Variants in NUP50 observed in about 807,000 individuals in gnomAD.
NUP50 encodes nucleoporin 50.
Under a neutral mutation model 36.8 loss-of-function variants are expected in NUP50, and 14 were observed. The ratio of observed to expected loss-of-function variants is 0.38; its 90% confidence interval spans 0.25 to 0.59. The LOEUF (loss-of-function observed/expected upper bound fraction) is 0.59. NUP50 is among the 20% of genes least tolerant of loss of function. The pLI, the probability that NUP50 is intolerant of heterozygous loss-of-function variation, is 0.63. For synonymous variants in NUP50, 195 were observed against 210.8 expected, an observed-to-expected ratio of 0.93 and a Z score of 0.65; for missense variants, 455 against 564.6, an observed-to-expected ratio of 0.81 and a Z score of 1.97.
Position 45,176,151 on chromosome 22 carries a change from T to C in NUP50, c.340+71T>C. ...GGAAAATAGCTTTACAAAGATGTTT[T>C]TCTTATAGCTACCCTGTGTCTTGGA... On this transcript the variant is annotated intron_variant, in intron 4 of 7. Transcript: ENST00000347635. 5 of 1,487,636 alleles carry C rather than the reference T, an allele frequency of 3.4e-6. No homozygotes were observed. In the South Asian group the frequency reaches 6.4e-5, roughly 19 times the overall value. 92.2% of individuals were successfully genotyped at this position (1,487,636 alleles called of 1,614,324 possible).
At chr22:45,168,299 T>G (rs1247083887) in intron 2 of NUP50, 53 bp downstream of exon 2, 1 of 1,430,820 alleles carries the variant, frequency 7.0e-7, no homozygotes, top group Non-Finnish European at 9.7e-7. Flanking sequence ...CCTTTTACAT[T>G]CATTTTGGGG....
In NUP50 at chr22:45,184,581, A is replaced by G. The variant is rs373407143; in HGVS notation, c.1333A>G (p.Met445Val). Residue 445 changes from methionine (M) to valine (V), a missense_variant, in exon 8 of 8, where the codon ATG (methionine) becomes GTG (valine). By Grantham distance (21) the Met-to-Val change is conservative (BLOSUM62 1). Coordinates refer to ENST00000347635, the MANE Select transcript of NUP50 (RefSeq NM_007172.4). ...DEKNATMPVT[M>V]LIRVKTSEDA... ...GAAGAATGCCACCATGCCAGTCACC[A>G]TGTTGATTCGGGTAAAAACCAGCGA... 5.5e-5 allele frequency: 88 copies of G among 1,612,786 alleles called. No individual in the cohort carries two copies. Among genetic ancestry groups the G allele is most frequent in the Middle Eastern group, 1.7e-4 (1 of 6,054 alleles).
chr22:45,176,268 T>G (rs1252593514), intron 4 of NUP50, among the ~76,000 whole-genome samples, 188 bp downstream of exon 4: 1 of 152,230 alleles, frequency 6.6e-6, no homozygotes, highest in Non-Finnish European at 1.5e-5. Context: ...GCACAGGCTT[T>G]TGATCCAAAA....
chr22:45,170,354 A>G (rs1227365937), intron 2 of NUP50, among the ~76,000 whole-genome samples: 1 of 152,078 alleles, frequency 6.6e-6, no homozygotes, highest in African/African-American at 2.4e-5. Flanking sequence ...CGCAAAGCCC[A>G]GTAGGGCTGG....
intron 1 of NUP50, among the ~76,000 whole-genome samples, chr22:45,167,209 G>T (rs893459500): frequency 6.6e-6 from 1 of 152,170 alleles, no homozygotes; most frequent in African/African-American, 2.4e-5. Flanking sequence ...ACAAGACCTG[G>T]CAGGTCCCCA....
rs758053378 is a variant in NUP50, at chr22:45,178,546, G to C, written c.649G>C (p.Ala217Pro). 1.2e-6 allele frequency: 2 copies of C among 1,612,038 alleles called. No homozygotes were observed. Among genetic ancestry groups the C allele is most frequent in the Non-Finnish European group, 1.7e-6 (2 of 1,179,860 alleles). ...NSESESNKVAAETQSPSLFGS... is the reference protein window; with the variant it reads ...NSESESNKVAPETQSPSLFGS... ...TGAAAGTGAATCTAACAAAGTGGCA[G>C]CTGAAACACAGTCTCCTTCCCTTTT... The change falls in exon 5 of 8, where the codon GCT (alanine) becomes CCT (proline). Residue 217 changes from alanine to proline, a missense_variant. Physicochemically the swap from Ala to Pro is conservative, Grantham distance 27. Around this residue, in one of 3 missense-constraint regions of NUP50, gnomAD observed 287 missense variants for 345.5 expected, o/e 0.83. Coordinates refer to ENST00000347635, the MANE Select transcript of NUP50 (RefSeq NM_007172.4).
Position 45,184,795 on chromosome 22 carries a change from G to A in NUP50, c.*140G>A, listed in dbSNP as rs111542786. 0.014 allele frequency: 8,968 copies of A among 664,172 alleles called. 82 individuals carry two copies. The highest frequency in any genetic ancestry group is 0.021 in the South Asian group (1,092 of 51,566). The allele number at this position is 664,172 out of a possible 1,614,324, so 41.1% of individuals were successfully genotyped here. Reference sequence around the variant, plus strand: ...AAACTTTTGTGAGGAAGATTAATGTGGCCAATAAAACCTTTAAATGTTAAG... The same window carrying A: ...AAACTTTTGTGAGGAAGATTAATGTAGCCAATAAAACCTTTAAATGTTAAG... On this transcript the variant is annotated 3_prime_UTR_variant, in exon 8 of 8. Transcript: ENST00000347635.
intron 3 of NUP50, among the ~76,000 whole-genome samples, chr22:45,175,547 G>A (rs752664004): frequency 6.6e-6 from 1 of 152,166 alleles, no homozygotes; most frequent in Non-Finnish European, 1.5e-5. Flanking sequence ...TTTCATTTGG[G>A]ATTTAGTTTT....
At chr22:45,171,256 G>C (rs1167944165) in intron 2 of NUP50, 1 of 954,062 alleles carries the variant, frequency 1.0e-6, no homozygotes, top group East Asian at 6.8e-5. Flanking sequence ...GAGTGCAGTG[G>C]TGCTATCTCG....
At chr22:45,169,481 GTT>G (rs1457339526) in intron 2 of NUP50, among the ~76,000 whole-genome samples, 5 of 152,224 alleles carry the variant, frequency 3.3e-5, no homozygotes, top group Middle Eastern at 6.8e-3. Context: ...ACATAAAATA[GTT>G]AGAATAAGAA....
rs1455842358 is a variant in NUP50 at position 45,184,601 on chromosome 22, C to T, written c.1353C>T (p.Thr451=). The T allele has an allele frequency of 1.2e-6, 2 of 1,613,152 alleles. No homozygotes were observed. Among genetic ancestry groups the T allele is most frequent in the Admixed American group, 3.3e-5 (2 of 60,010 alleles). ...MPVTMLIRVK[T]SEDADELHKI... ...TCACCATGTTGATTCGGGTAAAAAC[C>T]AGCGAGGATGCAGACGAGTTGCACA... Residue 451 remains threonine, a synonymous_variant, in exon 8 of 8, where the codon ACC becomes ACT. Transcript: ENST00000347635.
At position 45,185,348 on chromosome 22, in the gene NUP50, ACTT is replaced by A. The variant is rs975346282; in HGVS notation, c.*697_*699del. 4.4e-4 allele frequency: 67 copies of A among 152,782 alleles called. No individual in the cohort carries two copies. The highest frequency in any genetic ancestry group is 1.6e-3 in the African/African-American group (66 of 41,516). 9.5% of individuals were successfully genotyped at this position (152,782 alleles called of 1,614,324 possible). A position where few individuals can be genotyped will look rare whatever the true frequency, so the allele number is the denominator to read the frequency against. Reference sequence around the variant, plus strand: ...TAGTTTCTATTCATGAGGTAGTGTTACTTCTTTATCCCCCTAAAGACAAAATGA... The same window carrying A: ...TAGTTTCTATTCATGAGGTAGTGTTACTTTATCCCCCTAAAGACAAAATGA... On this transcript the variant is annotated 3_prime_UTR_variant, in exon 8 of 8. Coordinates refer to ENST00000347635, the MANE Select transcript of NUP50 (RefSeq NM_007172.4).
Position 45,168,163 on chromosome 22 carries a change from CT to C in NUP50, c.-10-3del. 1 of 1,597,066 alleles carries C rather than the reference CT, an allele frequency of 6.3e-7. No individual in the cohort carries two copies. On this transcript the variant is annotated splice_polypyrimidine_tract_variant and splice_region_variant and intron_variant, in intron 1 of 7. Coordinates refer to ENST00000347635, the MANE Select transcript of NUP50 (RefSeq NM_007172.4). ...AAATAAACTCTTCTGTTTTCTATAA[CT>C]TAGGTTCGAAAACATGGCCAAAAGA...
chr22:45,186,124 A>G lies in NUP50; in HGVS notation c.*1469A>G, dbSNP rs1162909475. On this transcript the variant is annotated 3_prime_UTR_variant, in exon 8 of 8. Coordinates refer to ENST00000347635, the MANE Select transcript of NUP50 (RefSeq NM_007172.4). ...AAGTCACTGAGGTGTGATTGGGCCA[A>G]TGTTGGCATGAGGTTCTTGCTCTAC... 6.6e-6 allele frequency: 1 copy of G among 152,206 alleles called. No individual in the cohort carries two copies. The highest frequency in any genetic ancestry group is 1.5e-5 in the Non-Finnish European group (1 of 68,036). The allele number at this position is 152,206 out of a possible 1,614,324, so 9.4% of individuals were successfully genotyped here.
chr22:45,180,253 A>G (rs572830089), intron 5 of NUP50: 2 of 152,354 alleles, frequency 1.3e-5, no homozygotes, highest in South Asian at 4.1e-4. Flanking sequence ...GATTGGAGGG[A>G]TAAGACGGAC....
chr22:45,184,201 T>C, intron 7 of NUP50: 1 of 507,514 alleles, frequency 2.0e-6, no homozygotes. Context: ...CTGCTGGCTC[T>C]GAGAGAAACG....
rs1317199267 is a variant in NUP50 at position 45,185,697 on chromosome 22, T to A, written c.*1042T>A. The A allele has an allele frequency of 6.6e-6, 1 of 151,532 alleles. No homozygotes were observed. Among genetic ancestry groups the A allele is most frequent in the Non-Finnish European group, 1.5e-5 (1 of 67,948 alleles). The allele number at this position is 151,532 out of a possible 1,614,324, so 9.4% of individuals were successfully genotyped here. ...TAATACATTTGATATCTGAAATATC[T>A]TTACTTTTTTAAGAGTAAGATTCCA... On this transcript the variant is annotated 3_prime_UTR_variant, in exon 8 of 8. Transcript: ENST00000347635.
Position 45,185,009 on chromosome 22 carries a change from C to T in NUP50, c.*354C>T, listed in dbSNP as rs1313929703. On this transcript the variant is annotated 3_prime_UTR_variant, in exon 8 of 8. Coordinates refer to ENST00000347635, the MANE Select transcript of NUP50 (RefSeq NM_007172.4). ...CCAACCCGTGGGTTTTGGGGTCCAC[C>T]GCCACCACGAGAGAGGCTTTTGAAC... The T allele has an allele frequency of 9.8e-6, 3 of 305,504 alleles. No individual in the cohort carries two copies. The highest frequency in any genetic ancestry group is 5.0e-5 in the Admixed American group (1 of 19,920). 18.9% of individuals were successfully genotyped at this position (305,504 alleles called of 1,614,324 possible).
chr22:45,177,985 G>C, intron 4 of NUP50: 1 of 435,678 alleles, frequency 2.3e-6, no homozygotes. Flanking sequence ...AATTAGCCGG[G>C]TGTGGTGGCG....
Sources: gnomAD v4.1 joint callset for allele counts (sites outside exome capture counted in the v4.1 genomes callset) on GRCh38, gnomAD v4.1.1 for gene constraint, gnomAD v4.1.1 regional missense constraint, MANE v1.5 for transcripts, NCBI Gene and HGNC (gene_info 2026-07-23, HGNC 2026-07-21) for gene names.